ADAM2: variants seen among roughly 807,000 people sequenced by gnomAD.
The protein encoded by ADAM2 is ADAM metallopeptidase domain 2.
Under a neutral mutation model 99.3 loss-of-function variants are expected in ADAM2, and 101 were observed. The observed-to-expected ratio is 1.02, with a 90% confidence interval of 0.87 to 1.20. The LOEUF (loss-of-function observed/expected upper bound fraction) is 1.20. ADAM2 is among the 50% of genes most tolerant of loss of function. ADAM2 has a pLI of 0.00. For synonymous variants in ADAM2, 323 were observed against 287.6 expected (o/e 1.12, Z -1.25); for missense variants, 948 against 878.7 (o/e 1.08, Z -1.00).
At chr8:39,744,978 T>C (rs1196098479) in intron 19 of ADAM2, 85 bp from the exon 20 acceptor site, 1 of 1,095,148 alleles carries the variant, frequency 9.1e-7, no homozygotes, top group Admixed American at 2.2e-5. Context: ...CTTGAAACAG[T>C]TCTGAATTTT....
chr8:39,813,303 C>A (rs1804780375), intron 6 of ADAM2, among the ~76,000 whole-genome samples: 2 of 152,186 alleles, frequency 1.3e-5, no homozygotes, highest in South Asian at 2.1e-4. Flanking sequence ...GAAATAGGAA[C>A]ATTTTTACAC....
intron 16 of ADAM2, among the ~76,000 whole-genome samples, chr8:39,754,929 A>G (rs973641369): frequency 1.3e-5 from 2 of 152,250 alleles, no homozygotes; most frequent in Admixed American, 1.3e-4. Flanking sequence ...ACAGATAAAT[A>G]TTCTACAACT....
intron 7 of ADAM2, among the ~76,000 whole-genome samples, chr8:39,792,823 G>A (rs1457404742): frequency 6.6e-6 from 1 of 152,062 alleles, no homozygotes; most frequent in Non-Finnish European, 1.5e-5. Flanking sequence ...TCTGGTCTAT[G>A]CATGTTGAGC....
At chr8:39,785,701 C>T (rs1803437950) in intron 10 of ADAM2, among the ~76,000 whole-genome samples, 1 of 151,118 alleles carries the variant, frequency 6.6e-6, no homozygotes, top group Admixed American at 6.6e-5. Flanking sequence ...GAGACTGAGG[C>T]TGGAGAATTG....
chr8:39,795,279 A>T (rs1024706403), intron 7 of ADAM2, among the ~76,000 whole-genome samples: 2 of 152,152 alleles, frequency 1.3e-5, no homozygotes, highest in African/African-American at 4.8e-5. Context: ...TCTGAAAAAC[A>T]AGTTCAGGCC....
chr8:39,784,790 A>C (rs930505906), intron 10 of ADAM2, among the ~76,000 whole-genome samples: 5 of 152,152 alleles, frequency 3.3e-5, no homozygotes, highest in Non-Finnish European at 7.4e-5. Context: ...GTTCATAAAT[A>C]TTGAAGATTA....
At chr8:39,753,217 G>A (rs1802018317) in intron 16 of ADAM2, among the ~76,000 whole-genome samples, 1 of 152,168 alleles carries the variant, frequency 6.6e-6, no homozygotes, top group Non-Finnish European at 1.5e-5. Context: ...ATGGAAATGA[G>A]GAACTTCTTA....
At chr8:39,782,368 A>G (rs771836288) in intron 10 of ADAM2, among the ~76,000 whole-genome samples, 23 of 152,274 alleles carry the variant, frequency 1.5e-4, no homozygotes, top group Non-Finnish European at 2.6e-4. Context: ...GATATATTGC[A>G]AAATTCTTTT....
intron 10 of ADAM2, among the ~76,000 whole-genome samples, chr8:39,783,726 CAGATCACAAGGTCAGG>C (rs1425133818): frequency 6.6e-6 from 1 of 151,938 alleles, no homozygotes; most frequent in Non-Finnish European, 1.5e-5. Context: ...CTGAGGCAGG[CAGATCACAAGGTCAGG>C]AGATCGAGAC....
At chr8:39,776,555 T>A (rs984521585) in intron 11 of ADAM2, among the ~76,000 whole-genome samples, 4 of 152,090 alleles carry the variant, frequency 2.6e-5, no homozygotes, top group African/African-American at 9.7e-5. Context: ...CAAAAAAAAT[T>A]CACTAGATCG....
At chr8:39,821,227 A>G (rs1805175447) in intron 5 of ADAM2, 57 bp from the exon 6 acceptor site, 1 of 1,168,550 alleles carries the variant, frequency 8.6e-7, no homozygotes, top group Non-Finnish European at 1.2e-6. Flanking sequence ...AAAAGCCAAT[A>G]AAATGCCACT....
At chr8:39,780,354 G>A (rs1231159594) in intron 10 of ADAM2, among the ~76,000 whole-genome samples, 1 of 152,080 alleles carries the variant, frequency 6.6e-6, no homozygotes, top group African/African-American at 2.4e-5. Context: ...ATATCAAAGA[G>A]CATTTGAGAA....
chr8:39,826,671 C>T (rs1249799377), intron 3 of ADAM2, among the ~76,000 whole-genome samples: 1 of 149,192 alleles, frequency 6.7e-6, no homozygotes, highest in African/African-American at 2.5e-5. Flanking sequence ...TGCAGTGAGC[C>T]GAGACAGCGC....
intron 15 of ADAM2, among the ~76,000 whole-genome samples, chr8:39,758,195 C>T (rs951085139): frequency 6.6e-6 from 1 of 151,860 alleles, no homozygotes; most frequent in Non-Finnish European, 1.5e-5. Context: ...AATGCATGTT[C>T]TAGCTCCATT....
At chr8:39,824,523 G>A (rs530195134) in intron 4 of ADAM2, among the ~76,000 whole-genome samples, 1 of 152,148 alleles carries the variant, frequency 6.6e-6, no homozygotes, top group African/African-American at 2.4e-5. Flanking sequence ...CCTGATACAA[G>A]TCATGGTTTT....
intron 6 of ADAM2, among the ~76,000 whole-genome samples, chr8:39,815,381 A>C (rs1804899717): frequency 6.6e-6 from 1 of 152,200 alleles, no homozygotes; most frequent in Non-Finnish European, 1.5e-5. Flanking sequence ...AATTATAAGG[A>C]TGGAACTCAA....
intron 4 of ADAM2, 48 bp from the exon 5 acceptor site, chr8:39,821,710 G>T (rs751472006): frequency 3.3e-5 from 43 of 1,298,546 alleles, no homozygotes; most frequent in Middle Eastern, 1.8e-4. Flanking sequence ...TTGTGTTACA[G>T]ATACAATTTT....
chr8:39,837,254 A>G (rs1805866380), intron 1 of ADAM2, 42 bp from the exon 2 acceptor site: 1 of 1,403,062 alleles, frequency 7.1e-7, no homozygotes, highest in Non-Finnish European at 1.0e-6. Context: ...AATGCCCATC[A>G]TTTCAGAGCG....
intron 15 of ADAM2, among the ~76,000 whole-genome samples, chr8:39,756,234 C>T (rs976640546): frequency 6.6e-6 from 1 of 152,138 alleles, no homozygotes; most frequent in Non-Finnish European, 1.5e-5. Context: ...CTTCACTTTC[C>T]TTTGAATCTG....
Sources: gnomAD v4.1 joint callset for allele counts (sites outside exome capture counted in the v4.1 genomes callset) on GRCh38, gnomAD v4.1.1 for gene constraint, MANE v1.5 for transcripts, NCBI Gene and HGNC (gene_info 2026-07-23, HGNC 2026-07-21) for gene names.